The following PRKN variants were observed in gnomAD, a reference collection of about 807,000 sequenced individuals.
PRKN encodes the protein parkin RBR E3 ubiquitin protein ligase.
In PRKN, 56 loss-of-function variants were observed where a neutral mutation model predicts 59.5. That is an observed-to-expected ratio of 0.94 (90% CI 0.76 to 1.18). PRKN has a LOEUF of 1.18. PRKN is among the 50% of genes most tolerant of loss of function. The pLI, the probability that PRKN is intolerant of heterozygous loss-of-function variation, is 0.00. For synonymous variants in PRKN, 250 were observed against 222.1 expected (o/e 1.13, Z -1.12); for missense variants, 657 against 596.4 (o/e 1.10, Z -1.06).
In PRKN at chr6:161,355,019, C is replaced by A. The variant is rs1340837283; in HGVS notation, c.1286-4808G>T. Among the ~76,000 whole-genome samples the A allele has an allele frequency of 2.0e-5, 3 of 152,222 alleles. No individual in the cohort carries two copies. Among genetic ancestry groups the A allele is most frequent in the Admixed American group, 2.0e-4 (3 of 15,284 alleles). On this transcript the variant is annotated intron_variant, in intron 11 of 11. Coordinates refer to ENST00000366898, the MANE Select transcript of PRKN (RefSeq NM_004562.3). This position sits in a 1 kb window ranked among gnomAD's most constrained non-coding sequence, Gnocchi z 6.8. ...TTTCCTGCTTCTCATCCTAGAATAT[C>A]TGCCTGCCTCACAGGATCAAGTCCA...
At chr6:162,142,906 A>G (rs1232974119) in intron 4 of PRKN, among the ~76,000 whole-genome samples, 1 of 152,234 alleles carries the variant, frequency 6.6e-6, no homozygotes, top group Non-Finnish European at 1.5e-5. Context: ...AGAATTGAAT[A>G]AAAAATTACT....
chr6:161,981,962 C>A (rs1364709776), intron 5 of PRKN, among the ~76,000 whole-genome samples: 1 of 152,142 alleles, frequency 6.6e-6, no homozygotes. Context: ...CCACACAAAG[C>A]AAAACCATGT....
intron 1 of PRKN, among the ~76,000 whole-genome samples, chr6:162,495,816 G>T (rs1464914146): frequency 2.6e-5 from 4 of 152,102 alleles, no homozygotes; most frequent in African/African-American, 7.2e-5. Flanking sequence ...TCCTCACCAG[G>T]TTCTCACCAT....
intron 2 of PRKN, among the ~76,000 whole-genome samples, chr6:162,400,781 TG>T (rs1303085244): frequency 2.6e-4 from 40 of 152,292 alleles, no homozygotes; most frequent in African/African-American, 8.9e-4. Context: ...CAAATGCTTA[TG>T]GAACAGTCAT....
At chr6:161,968,025 CT>C (rs1295774869) in intron 6 of PRKN, among the ~76,000 whole-genome samples, 3 of 151,238 alleles carry the variant, frequency 2.0e-5, no homozygotes, top group Non-Finnish European at 3.0e-5. Context: ...AGTGTGGGGC[CT>C]TTTTTTTCTT....
At chr6:161,435,051 C>A (rs1051516586) in intron 9 of PRKN, among the ~76,000 whole-genome samples, 1 of 152,092 alleles carries the variant, frequency 6.6e-6, no homozygotes, top group African/African-American at 2.4e-5. Flanking sequence ...TAACCTTTGG[C>A]CAATTGCATT....
rs779721381 is a variant in PRKN at position 161,350,132 on chromosome 6, G to A, written c.1365C>T (p.Arg455=). 2.5e-6 allele frequency: 4 copies of A among 1,613,582 alleles called. No homozygotes were observed. The highest frequency in any genetic ancestry group is 2.2e-5 in the South Asian group (2 of 91,078). ...CGAACCAGTGGTCCCCCATGCAGAC[G>A]CGGTTCCACTCGCAGCCACAGTTCC... is the stretch of plus-strand genomic sequence containing the variant. ...WCWNCGCEWN[R]VCMGDHWFDV The change falls in exon 12 of 12, where the codon CGC becomes CGT. Residue 455 remains arginine, a synonymous_variant. Coordinates refer to ENST00000366898, the MANE Select transcript of PRKN (RefSeq NM_004562.3).
In PRKN at chr6:162,720,203, C is replaced by T. The variant is rs568101420; in HGVS notation, c.7+7459G>A. Among the ~76,000 whole-genome samples the T allele has an allele frequency of 5.9e-5, 9 of 152,216 alleles. No homozygotes were observed. The South Asian group carries it at 1.9e-3, about 32-fold the overall frequency. ...ATAATAAAAAGTCTCAATCAGGACA[C>T]CAATATTAACTCCCTAATCACCAAT... On this transcript the variant is annotated intron_variant, in intron 1 of 11. Transcript: ENST00000366898.
intron 7 of PRKN, among the ~76,000 whole-genome samples, chr6:161,697,234 C>G (rs555473221): frequency 5.3e-4 from 81 of 152,250 alleles, no homozygotes; most frequent in African/African-American, 1.9e-3. Context: ...GAAACTCATC[C>G]TCTGGTAATG....
chr6:162,498,162 A>C (rs1793155787), intron 1 of PRKN, among the ~76,000 whole-genome samples: 1 of 152,116 alleles, frequency 6.6e-6, no homozygotes, highest in African/African-American at 2.4e-5. Flanking sequence ...TTGAACCCTC[A>C]GAACAAGGGA....
intron 1 of PRKN, among the ~76,000 whole-genome samples, chr6:162,695,354 G>GT: frequency 6.6e-6 from 1 of 152,102 alleles, no homozygotes; most frequent in Non-Finnish European, 1.5e-5. Context: ...CACAGGAAGG[G>GT]TAAGTATCAT....
intron 1 of PRKN, among the ~76,000 whole-genome samples, chr6:162,599,966 C>A (rs1241851961): frequency 6.6e-6 from 1 of 152,096 alleles, no homozygotes; most frequent in Non-Finnish European, 1.5e-5. Context: ...CAGGTAACAA[C>A]CAATTTTTAA....
chr6:161,453,330 A>G (rs554921187), intron 9 of PRKN, among the ~76,000 whole-genome samples: 1 of 152,290 alleles, frequency 6.6e-6, no homozygotes, highest in Non-Finnish European at 1.5e-5. Flanking sequence ...TGCATGTGTT[A>G]TTAAATCCTT....
chr6:161,607,985 G>A (rs1394309341), intron 7 of PRKN, among the ~76,000 whole-genome samples: 1 of 152,154 alleles, frequency 6.6e-6, no homozygotes, highest in Non-Finnish European at 1.5e-5. Flanking sequence ...AGAAAATAGT[G>A]CCTTACCTAG....
chr6:162,608,100 G>A (rs898341554), intron 1 of PRKN, among the ~76,000 whole-genome samples: 9 of 152,186 alleles, frequency 5.9e-5, no homozygotes, highest in African/African-American at 1.9e-4. Context: ...AGACAGCAAT[G>A]CAAAGATTGA....
At chr6:161,415,448 G>C (rs1787793922) in intron 9 of PRKN, among the ~76,000 whole-genome samples, 1 of 152,028 alleles carries the variant, frequency 6.6e-6, no homozygotes, top group African/African-American at 2.4e-5. Context: ...AGCATGTGCC[G>C]AACCCTTTAC....
chr6:161,365,545 A>T (rs1018912088), intron 10 of PRKN, among the ~76,000 whole-genome samples: 1 of 152,248 alleles, frequency 6.6e-6, no homozygotes, highest in Admixed American at 6.5e-5. Flanking sequence ...AGGAATTACA[A>T]ACTGGAAAAT....
rs1485437239 is a variant in PRKN, at chr6:161,444,529, G to A, written c.1084-57652C>T. Among the ~76,000 whole-genome samples, 1 of 152,182 alleles carries A rather than the reference G, an allele frequency of 6.6e-6. No individual in the cohort carries two copies. Among genetic ancestry groups the A allele is most frequent in the Non-Finnish European group, 1.5e-5 (1 of 68,038 alleles). ...GCTTGCCATGCTCCAAGAAGTCCCT[G>A]CAGCCCCTGGTTAGTGGGAGACGCA... On this transcript the variant is annotated intron_variant, in intron 9 of 11. Transcript: ENST00000366898. This position sits in a 1 kb window ranked among gnomAD's most constrained non-coding sequence, Gnocchi z 5.6.
chr6:162,176,996 C>T (rs542277428), intron 4 of PRKN, among the ~76,000 whole-genome samples: 1 of 149,280 alleles, frequency 6.7e-6, no homozygotes, highest in East Asian at 2.0e-4. Flanking sequence ...TTATTACAGC[C>T]TGAAATTAAG....
Sources: gnomAD v4.1 joint callset for allele counts (sites outside exome capture counted in the v4.1 genomes callset) on GRCh38, gnomAD v4.1.1 for gene constraint, Gnocchi (gnomAD v3.1) non-coding constraint, MANE v1.5 for transcripts, NCBI Gene and HGNC (gene_info 2026-07-23, HGNC 2026-07-21) for gene names.